Variants in FAM227B observed in about 807,000 individuals in gnomAD.
The protein encoded by FAM227B is protein FAM227B.
Under a neutral mutation model 73.8 loss-of-function variants are expected in FAM227B, and 88 were observed. The observed-to-expected ratio is 1.19, with a 90% CI of 1.00 to 1.42. The LOEUF (loss-of-function observed/expected upper bound fraction) is 1.42, where lower values mean the gene tolerates loss of function less well. Among genes scored for constraint, FAM227B ranks in the 40% most tolerant of loss-of-function variants. The pLI is 0.00. For missense variants in FAM227B, 632 were observed against 590.9 expected (o/e 1.07, Z -0.72); for synonymous variants, 210 against 190.5 (o/e 1.10, Z -0.84).
At chr15:49,507,325 C>T (rs963194012) in intron 11 of FAM227B, among the ~76,000 whole-genome samples, 17 of 151,976 alleles carry the variant, frequency 1.1e-4, no homozygotes, top group Admixed American at 6.6e-4. Flanking sequence ...AATAACTTCC[C>T]AAAGAGTAGG....
chr15:49,433,221 T>C (rs1244872409), intron 11 of FAM227B, among the ~76,000 whole-genome samples: 2 of 151,706 alleles, frequency 1.3e-5, no homozygotes, highest in Admixed American at 6.6e-5. Flanking sequence ...TGTGCCCCAA[T>C]TGCTTTTCTA....
chr15:49,433,268 T>G (rs2050777471), intron 11 of FAM227B, among the ~76,000 whole-genome samples: 1 of 151,614 alleles, frequency 6.6e-6, no homozygotes, highest in Non-Finnish European at 1.5e-5. Flanking sequence ...TTATGATTCT[T>G]TCTGTTTGCA....
chr15:49,504,466 T>C (rs944369473), intron 11 of FAM227B, among the ~76,000 whole-genome samples: 1 of 152,160 alleles, frequency 6.6e-6, no homozygotes, highest in African/African-American at 2.4e-5. Flanking sequence ...TTCATAACTT[T>C]GTTACTCAAA....
chr15:49,585,099 A>G (rs1378042652), intron 5 of FAM227B, among the ~76,000 whole-genome samples: 1 of 152,196 alleles, frequency 6.6e-6, no homozygotes, highest in African/African-American at 2.4e-5. Context: ...AATGCTCATC[A>G]TCACTGGCCA....
intron 10 of FAM227B, 111 bp from the exon 11 acceptor site, chr15:49,508,459 AG>A (rs2058738941): frequency 4.9e-6 from 5 of 1,019,668 alleles, no homozygotes; most frequent in Non-Finnish European, 6.8e-6. Context: ...ACAACAAAAA[AG>A]TTCCTTTTTT....
chr15:49,577,343 T>C, intron 6 of FAM227B: 1 of 363,368 alleles, frequency 2.8e-6, no homozygotes, highest in Admixed American at 4.5e-5. Context: ...TTCTGCTTCT[T>C]TGAAATTAAG....
chr15:49,353,002 G>C (rs559133732), intron 13 of FAM227B, among the ~76,000 whole-genome samples: 1 of 152,172 alleles, frequency 6.6e-6, no homozygotes, highest in Admixed American at 6.5e-5. Flanking sequence ...ACTATGCACA[G>C]ACAATGGCAA....
At chr15:49,480,768 C>T (rs1303970632) in intron 11 of FAM227B, among the ~76,000 whole-genome samples, 3 of 152,116 alleles carry the variant, frequency 2.0e-5, no homozygotes, top group Non-Finnish European at 4.4e-5. Context: ...CAGGTGTGAG[C>T]TACCACATCC....
At chr15:49,567,288 T>G (rs1279008093) in intron 9 of FAM227B, among the ~76,000 whole-genome samples, 1 of 138,400 alleles carries the variant, frequency 7.2e-6, no homozygotes, top group Non-Finnish European at 1.7e-5. Context: ...AATCACTGTC[T>G]TAAAATAATC....
chr15:49,574,110 C>T (rs750700109), intron 8 of FAM227B, among the ~76,000 whole-genome samples: 2 of 151,880 alleles, frequency 1.3e-5, no homozygotes, highest in Non-Finnish European at 2.9e-5. Flanking sequence ...AAATGCCTTC[C>T]TTTTGTTGCT....
chr15:49,467,351 A>G (rs1021490887), intron 11 of FAM227B, among the ~76,000 whole-genome samples: 5 of 152,098 alleles, frequency 3.3e-5, no homozygotes, highest in African/African-American at 1.2e-4. Context: ...TTCTAGCCCC[A>G]TCAAATTCTG....
intron 11 of FAM227B, among the ~76,000 whole-genome samples, chr15:49,381,948 G>A (rs1267451491): frequency 2.6e-5 from 4 of 151,950 alleles, no homozygotes; most frequent in Admixed American, 6.6e-5. Flanking sequence ...TATGTAGGAA[G>A]AAATTATTTA....
At chr15:49,512,062 T>C (rs1469695225) in intron 10 of FAM227B, among the ~76,000 whole-genome samples, 1 of 152,120 alleles carries the variant, frequency 6.6e-6, no homozygotes, top group Non-Finnish European at 1.5e-5. Flanking sequence ...TTTATTATTA[T>C]TATACTCTCA....
intron 11 of FAM227B, among the ~76,000 whole-genome samples, chr15:49,457,492 T>C (rs911072018): frequency 2.0e-5 from 3 of 151,980 alleles, no homozygotes; most frequent in African/African-American, 7.2e-5. Flanking sequence ...ATATAAATAC[T>C]TGAGTCACTT....
intron 9 of FAM227B, among the ~76,000 whole-genome samples, chr15:49,557,978 C>T (rs539994306): frequency 7.2e-5 from 11 of 152,220 alleles, no homozygotes; most frequent in Admixed American, 3.3e-4. Context: ...CATGGGTTTC[C>T]AGCACAGTGG....
intron 11 of FAM227B, among the ~76,000 whole-genome samples, chr15:49,455,846 G>A (rs925940864): frequency 2.0e-5 from 3 of 151,956 alleles, no homozygotes; most frequent in Non-Finnish European, 2.9e-5. Flanking sequence ...TTGAACCATG[G>A]CTTTTTTCTT....
At chr15:49,579,000 G>T (rs761656104) in intron 5 of FAM227B, among the ~76,000 whole-genome samples, 94 of 152,106 alleles carry the variant, frequency 6.2e-4, no homozygotes, top group Non-Finnish European at 1.2e-3. Flanking sequence ...TGAAAAAGTA[G>T]GCAAAGGATC....
intron 11 of FAM227B, among the ~76,000 whole-genome samples, chr15:49,476,758 CAA>C (rs548306069): frequency 1.3e-5 from 2 of 151,744 alleles, no homozygotes; most frequent in Non-Finnish European, 2.9e-5. Flanking sequence ...TTTAGATTTA[CAA>C]AAAAAATTGA....
At chr15:49,470,134 C>T (rs940097327) in intron 11 of FAM227B, among the ~76,000 whole-genome samples, 2 of 151,916 alleles carry the variant, frequency 1.3e-5, no homozygotes, top group South Asian at 2.1e-4. Flanking sequence ...ATGATCAAAG[C>T]GTGGAAAATG....
Sources: gnomAD v4.1 joint callset for allele counts (sites outside exome capture counted in the v4.1 genomes callset) on GRCh38, gnomAD v4.1.1 for gene constraint, MANE v1.5 for transcripts, NCBI Gene and HGNC (gene_info 2026-07-23, HGNC 2026-07-21) for gene names.